The following ATRN variants were observed in gnomAD, a reference collection of about 807,000 sequenced individuals.
ATRN encodes the protein attractin-2.
Under a neutral mutation model 178.7 loss-of-function variants are expected in ATRN, and 54 were observed. That is an observed-to-expected ratio of 0.30 (90% CI 0.24 to 0.38). The LOEUF is 0.38. Among genes scored for constraint, ATRN ranks in the 10% least tolerant of loss-of-function variants. The probability of loss-of-function intolerance (pLI) is 1.00; values close to 1 mark genes in which losing one functional copy is unlikely to be tolerated. For synonymous variants in ATRN, 636 were observed against 663.0 expected (o/e 0.96, Z 0.63); for missense variants, 1,443 against 1,815.1 (o/e 0.79, Z 3.73).
intron 10 of ATRN, 45 bp downstream of exon 10, chr20:3,563,408 A>G (rs2085981823): frequency 1.3e-6 from 2 of 1,591,170 alleles, no homozygotes; most frequent in Non-Finnish European, 1.7e-6. Context: ...CTTTTTGCCT[A>G]TACTATAAGC....
chr20:3,485,778 T>G (rs1305678042), intron 1 of ATRN, among the ~76,000 whole-genome samples: 1 of 151,710 alleles, frequency 6.6e-6, no homozygotes, highest in Non-Finnish European at 1.5e-5. Context: ...CCTGCCACCA[T>G]GCCTGGCTTA....
chr20:3,576,695 G>GTCTA (rs1555819445), intron 13 of ATRN, among the ~76,000 whole-genome samples, 164 bp from the exon 14 acceptor site: 5,628 of 142,296 alleles, frequency 0.04, 121 homozygotes, highest in African/African-American at 0.057. Context: ...CTGTCTGTCT[G>GTCTA]TCTATCTATC....
At chr20:3,561,491 A>AT (rs2085952750) in intron 8 of ATRN, among the ~76,000 whole-genome samples, 1 of 152,196 alleles carries the variant, frequency 6.6e-6, no homozygotes, top group Non-Finnish European at 1.5e-5. Flanking sequence ...AAATAAATAA[A>AT]AATGGTTCAA....
intron 1 of ATRN, among the ~76,000 whole-genome samples, chr20:3,508,285 G>C (rs989662454): frequency 6.6e-6 from 1 of 151,442 alleles, no homozygotes; most frequent in African/African-American, 2.4e-5. Context: ...TGGAATGACA[G>C]TTTTAAAGTG....
chr20:3,510,433 A>G (rs1359125591), intron 1 of ATRN, among the ~76,000 whole-genome samples: 1 of 152,252 alleles, frequency 6.6e-6, no homozygotes, highest in South Asian at 2.1e-4. Context: ...CTTTATCTGT[A>G]TAAGCAGACA....
In ATRN at chr20:3,601,308, G is replaced by A. The variant is rs75489220; in HGVS notation, c.3643+284G>A. 1.8e-3 allele frequency among the ~76,000 whole-genome samples: 280 copies of A among 152,290 alleles called. 1 individual carries two copies. Among genetic ancestry groups the A allele is most frequent in the African/African-American group, 6.5e-3 (269 of 41,560 alleles). ...CTTGCTGTGGTGTCAGGCTCAGTGT[G>A]TGGTTACTACCCTAGCCCACCACCA... On this transcript the variant is annotated intron_variant, in intron 23 of 28. Transcript: ENST00000262919.
chr20:3,621,471 C>T (rs2086896899), intron 24 of ATRN, among the ~76,000 whole-genome samples: 1 of 152,128 alleles, frequency 6.6e-6, no homozygotes, highest in African/African-American at 2.4e-5. Flanking sequence ...GGCAGATACA[C>T]CTTAGACATA....
intron 1 of ATRN, among the ~76,000 whole-genome samples, chr20:3,507,046 A>G (rs988941531): frequency 6.6e-6 from 1 of 151,370 alleles, no homozygotes; most frequent in Non-Finnish European, 1.5e-5. Flanking sequence ...TTTTGCCGGG[A>G]GGTTTTGTTT....
chr20:3,604,278 T>C lies in ATRN; in HGVS notation c.3801+16T>C, dbSNP rs2086650559. 1 of 1,582,148 alleles carries C rather than the reference T, an allele frequency of 6.3e-7. No individual in the cohort carries two copies. The highest frequency in any genetic ancestry group is 1.4e-5 in the African/African-American group (1 of 73,130). On this transcript the variant is annotated intron_variant, in intron 24 of 28. Transcript: ENST00000262919. ...CAAAATTCAGGTAAGAAGAGGCTTT[T>C]GGTCTCATACCTGCAAAGGTGGTGA...
At chr20:3,574,022 G>A (rs907418306) in intron 12 of ATRN, among the ~76,000 whole-genome samples, 3 of 152,042 alleles carry the variant, frequency 2.0e-5, no homozygotes, top group African/African-American at 7.2e-5. Context: ...ACAGGCGTGA[G>A]CTACTGTACA....
At chr20:3,543,787 C>T (rs545037161) in intron 3 of ATRN, among the ~76,000 whole-genome samples, 14 of 151,838 alleles carry the variant, frequency 9.2e-5, no homozygotes, top group Non-Finnish European at 2.1e-4. Context: ...AACCCCAACA[C>T]TTTGTGAGGC....
At chr20:3,631,878 G>A (rs1411006251) in intron 25 of ATRN, among the ~76,000 whole-genome samples, 4 of 152,180 alleles carry the variant, frequency 2.6e-5, no homozygotes, top group Non-Finnish European at 4.4e-5. Flanking sequence ...ATGCGTGGAA[G>A]CCAAGAAAGA....
At position 3,572,757 on chromosome 20, in the gene ATRN, A is replaced by G. The variant is rs762139676; in HGVS notation, c.1898A>G (p.Asn633Ser). The change falls in exon 12 of 29, where the codon AAT becomes AGT. Residue 633 changes from asparagine to serine, a missense_variant. Physicochemically the swap from Asn to Ser is conservative, Grantham distance 46 (BLOSUM62 1). Around this residue, in one of 4 missense-constraint regions of ATRN, gnomAD observed 862 missense variants for 972.1 expected, o/e 0.89. Transcript: ENST00000262919. The stretch of plus-strand genomic sequence containing the variant: ...ACCATGTATGTGTTCGGTGGTTTCA[A>G]TAGTCTCCTCCTCAGCGACATCCTG... ...NSTMYVFGGFNSLLLSDILVF... is the reference protein window; with the variant it reads ...NSTMYVFGGFSSLLLSDILVF... 8 of 1,613,854 alleles carry G rather than the reference A, an allele frequency of 5.0e-6. No homozygotes were observed. Among genetic ancestry groups the G allele is most frequent in the African/African-American group, 2.7e-5 (2 of 74,870 alleles).
At chr20:3,512,390 G>T (rs1475804687) in intron 1 of ATRN, among the ~76,000 whole-genome samples, 2 of 151,596 alleles carry the variant, frequency 1.3e-5, no homozygotes, top group African/African-American at 4.9e-5. Context: ...AGTTTGCTGA[G>T]AATGATGGTT....
chr20:3,613,990 T>G (rs1466691368), intron 24 of ATRN, among the ~76,000 whole-genome samples: 1 of 152,232 alleles, frequency 6.6e-6, no homozygotes, highest in Non-Finnish European at 1.5e-5. Context: ...TCCTTCACTC[T>G]GAACCAATCC....
At chr20:3,492,370 T>C (rs1013569482) in intron 1 of ATRN, among the ~76,000 whole-genome samples, 2 of 152,164 alleles carry the variant, frequency 1.3e-5, no homozygotes, top group Admixed American at 6.6e-5. Context: ...GAGTTCAGAC[T>C]TCATTCCACA....
rs386393128 is a variant in ATRN, at chr20:3,588,981, G to GTTTTTTTTTTTTTTT, written c.3185-2183_3185-2169dup. On this transcript the variant is annotated intron_variant, in intron 18 of 28. Coordinates refer to ENST00000262919, the MANE Select transcript of ATRN (RefSeq NM_139321.3). ...CATACAGTTCGTAGTATTTTCTTTT[G>GTTTTTTTTTTTTTTT]TTTTTTTTTTTTTTTTTTTGAGACA... Among the ~76,000 whole-genome samples the GTTTTTTTTTTTTTTT allele has an allele frequency of 2.9e-4, 29 of 99,788 alleles. 2 individuals carry two copies. The highest frequency in any genetic ancestry group is 4.9e-4 in the African/African-American group (13 of 26,344). The allele number at this position is 99,788 out of a possible 152,430, so 65.5% of individuals were successfully genotyped here.
chr20:3,499,651 A>C (rs1253704639), intron 1 of ATRN, among the ~76,000 whole-genome samples: 2 of 147,448 alleles, frequency 1.4e-5, no homozygotes, highest in Non-Finnish European at 3.0e-5. Context: ...CTGAAACTGG[A>C]TCCCTTCCTT....
intron 1 of ATRN, among the ~76,000 whole-genome samples, chr20:3,498,315 C>G (rs1337780633): frequency 1.3e-5 from 2 of 152,108 alleles, no homozygotes; most frequent in African/African-American, 2.4e-5. Context: ...AGAGGGAATC[C>G]TCTCTAACTC....
Sources: gnomAD v4.1 joint callset for allele counts (sites outside exome capture counted in the v4.1 genomes callset) on GRCh38, gnomAD v4.1.1 for gene constraint, gnomAD v4.1.1 regional missense constraint, MANE v1.5 for transcripts, NCBI Gene and HGNC (gene_info 2026-07-23, HGNC 2026-07-21) for gene names.